The following FKTN variants were observed in gnomAD, a reference collection of about 807,000 sequenced individuals.
FKTN encodes fukutin, also known as ribitol-5-phosphate transferase FKTN.
In FKTN, 47 loss-of-function variants were observed where a neutral mutation model predicts 58.6. The ratio of observed to expected loss-of-function variants is 0.80; its 90% confidence interval spans 0.63 to 1.02. The LOEUF (loss-of-function observed/expected upper bound fraction) is 1.02, where lower values mean the gene tolerates loss of function less well. Among genes scored for constraint, FKTN ranks in the 50% least tolerant of loss-of-function variants. FKTN has a pLI of 0.00. For missense variants in FKTN, 516 were observed against 537.3 expected (o/e 0.96, Z 0.39); for synonymous variants, 178 against 191.9 (o/e 0.93, Z 0.60).
intron 1 of FKTN, among the ~76,000 whole-genome samples, chr9:105,558,846 A>T (rs1236403776): frequency 6.6e-6 from 1 of 152,196 alleles, no homozygotes; most frequent in Non-Finnish European, 1.5e-5. Context: ...ATTGGAAACC[A>T]TCTCTGTTGG....
chr9:105,589,417 G>A (rs925726137), intron 3 of FKTN, among the ~76,000 whole-genome samples: 30 of 151,678 alleles, frequency 2.0e-4, no homozygotes, highest in African/African-American at 6.8e-4. Flanking sequence ...CACGAGAATC[G>A]CTTGAACCCA....
intron 1 of FKTN, among the ~76,000 whole-genome samples, chr9:105,573,260 T>C (rs1018850): frequency 0.039 from 5,897 of 151,842 alleles, 152 homozygotes; most frequent in Middle Eastern, 0.11. Context: ...TGCTTAATTG[T>C]AGTTCTGAAA....
intron 1 of FKTN, among the ~76,000 whole-genome samples, chr9:105,568,081 C>T (rs982130804): frequency 3.9e-5 from 6 of 152,144 alleles, no homozygotes; most frequent in African/African-American, 1.4e-4. Context: ...GGAAAACTGG[C>T]TAGCCATATG....
At chr9:105,561,265 C>T (rs1365947571) in intron 1 of FKTN, among the ~76,000 whole-genome samples, 7 of 152,044 alleles carry the variant, frequency 4.6e-5, no homozygotes, top group Admixed American at 4.6e-4. Flanking sequence ...CAGAGCAAGA[C>T]TCCATTTCTT....
intron 10 of FKTN, among the ~76,000 whole-genome samples, chr9:105,621,121 C>T (rs1831866432): frequency 6.6e-6 from 1 of 152,134 alleles, no homozygotes; most frequent in Non-Finnish European, 1.5e-5. Context: ...TCTGCTTTAA[C>T]AGCTCTTTAT....
intron 4 of FKTN, chr9:105,598,005 C>T (rs1205805693): frequency 1.1e-5 from 4 of 348,638 alleles, no homozygotes; most frequent in South Asian, 2.4e-5. Context: ...TTCACTGATA[C>T]ATTTTAAAAT....
intron 3 of FKTN, among the ~76,000 whole-genome samples, chr9:105,593,460 A>G (rs1457670689): frequency 6.6e-6 from 1 of 152,202 alleles, no homozygotes. Context: ...CCTATTTGAC[A>G]TTCAAATGAA....
intron 3 of FKTN, among the ~76,000 whole-genome samples, chr9:105,581,454 G>A (rs905287046): frequency 4.0e-5 from 6 of 150,242 alleles, no homozygotes; most frequent in African/African-American, 1.0e-4. Context: ...CCCCTGCTGC[G>A]GGGTGCCTCC....
At chr9:105,559,268 G>A (rs570311852) in intron 1 of FKTN, among the ~76,000 whole-genome samples, 1 of 152,308 alleles carries the variant, frequency 6.6e-6, no homozygotes, top group Non-Finnish European at 1.5e-5. Flanking sequence ...TCTCCATAAG[G>A]TGATGTTGGG....
intron 5 of FKTN, 133 bp from the exon 6 acceptor site, chr9:105,604,082 A>G: frequency 1.1e-6 from 1 of 869,834 alleles, no homozygotes. Flanking sequence ...AAATGTTCTT[A>G]CAGAGCAGAT....
At chr9:105,598,208 C>T in intron 4 of FKTN, 1 of 417,432 alleles carries the variant, frequency 2.4e-6, no homozygotes, top group East Asian at 7.5e-5. Flanking sequence ...TACTCTTTTA[C>T]ATTGAGGGGA....
At chr9:105,634,724 C>A (rs1833878489) in intron 10 of FKTN, among the ~76,000 whole-genome samples, 1 of 152,174 alleles carries the variant, frequency 6.6e-6, no homozygotes, top group Non-Finnish European at 1.5e-5. Flanking sequence ...ACACTTCTTT[C>A]CTCTACAGTT....
Position 105,637,825 on chromosome 9 carries a change from G to C in FKTN, c.*2561G>C. The C allele has an allele frequency of 3.0e-6, 3 of 985,378 alleles. No homozygotes were observed. Among genetic ancestry groups the C allele is most frequent in the Non-Finnish European group, 3.6e-6 (3 of 829,912 alleles). The allele number at this position is 985,378 out of a possible 1,614,324, so 61.0% of individuals were successfully genotyped here. A position where few individuals can be genotyped will look rare whatever the true frequency, so the allele number is the denominator to read the frequency against. On this transcript the variant is annotated 3_prime_UTR_variant, in exon 11 of 11. Transcript: ENST00000357998. ...AGTCCTCTCTAAGCAGGGAGCACTT[G>C]TCCTTCTCTCCTCTGCTGCAGCTAC...
At position 105,575,920 on chromosome 9, in the gene FKTN, T is replaced by C. The variant is rs116484260; in HGVS notation, c.105+783T>C. On this transcript the variant is annotated intron_variant, in intron 3 of 10. Coordinates refer to ENST00000357998, the MANE Select transcript of FKTN (RefSeq NM_001079802.2). ...TGTTAACAGACATGTGCAGAAGCTT[T>C]GAATAGGCTGTTGTGATTTGACTTA... Among the ~76,000 whole-genome samples the C allele has an allele frequency of 9.1e-3, 1,378 of 152,212 alleles. 22 individuals are homozygous for C. Among genetic ancestry groups the C allele is most frequent in the African/African-American group, 0.032 (1,320 of 41,542 alleles).
intron 7 of FKTN, among the ~76,000 whole-genome samples, chr9:105,608,478 G>A (rs778130740): frequency 2.6e-4 from 40 of 152,076 alleles, no homozygotes; most frequent in Non-Finnish European, 4.1e-4. Context: ...ATTGTGTTCC[G>A]CAGGCTTCTG....
chr9:105,575,558 G>A (rs1448835270), intron 3 of FKTN, among the ~76,000 whole-genome samples: 2 of 152,128 alleles, frequency 1.3e-5, no homozygotes, highest in African/African-American at 2.4e-5. Context: ...AGACAATGAT[G>A]TGGAAATCAA....
rs1834043909 is a variant in FKTN at position 105,636,488 on chromosome 9, C to T, written c.*1224C>T. On this transcript the variant is annotated 3_prime_UTR_variant, in exon 11 of 11. Coordinates refer to ENST00000357998, the MANE Select transcript of FKTN (RefSeq NM_001079802.2). ...AATGTCGATGGGGCAAGAACTCAGA[C>T]TTCTACTTTACCAAGTACCACACAC... is the stretch of plus-strand genomic sequence containing the variant. 1.0e-6 allele frequency: 1 copy of T among 1,002,722 alleles called. No homozygotes were observed. Among genetic ancestry groups the T allele is most frequent in the Admixed American group, 5.7e-5 (1 of 17,530 alleles). The allele number at this position is 1,002,722 out of a possible 1,614,324, so 62.1% of individuals were successfully genotyped here.
In FKTN at chr9:105,604,202, T is replaced by G. The variant is rs776847074; in HGVS notation, c.370-13T>G. ...GTGTTGTTTCTTGATGTTTGATGCT[T>G]CTTTGGTTCTAGGAAGGCTGGTTTC... On this transcript the variant is annotated splice_polypyrimidine_tract_variant and intron_variant, in intron 5 of 10. Transcript: ENST00000357998. 3 of 1,611,870 alleles carry G rather than the reference T, an allele frequency of 1.9e-6. No homozygotes were observed. The highest frequency in any genetic ancestry group is 3.3e-5 in the Admixed American group (2 of 60,000).
intron 10 of FKTN, among the ~76,000 whole-genome samples, chr9:105,630,090 T>A (rs1833219726): frequency 6.6e-6 from 1 of 152,008 alleles, no homozygotes; most frequent in Non-Finnish European, 1.5e-5. Flanking sequence ...TTAGGAGATA[T>A]ACCTAATGTA....
Sources: gnomAD v4.1 joint callset for allele counts (sites outside exome capture counted in the v4.1 genomes callset) on GRCh38, gnomAD v4.1.1 for gene constraint, MANE v1.5 for transcripts, NCBI Gene and HGNC (gene_info 2026-07-23, HGNC 2026-07-21) for gene names.